Variants in CENPP observed in about 807,000 individuals in gnomAD.
The protein encoded by CENPP is centromere protein P.
CENPP carries 24 observed loss-of-function variants against 35.6 expected under a neutral mutation model. The ratio of observed to expected loss-of-function variants is 0.67; its 90% CI spans 0.49 to 0.95. CENPP has a LOEUF of 0.95. Among genes scored for constraint, CENPP ranks in the 40% least tolerant of loss-of-function variants. The pLI is 0.00. For missense variants in CENPP, 332 were observed against 345.3 expected, an observed-to-expected ratio of 0.96 and a Z score of 0.31; for synonymous variants, 120 against 125.5, an observed-to-expected ratio of 0.96 and a Z score of 0.29.
At chr9:92,473,216 T>C (rs1845591056) in intron 5 of CENPP, among the ~76,000 whole-genome samples, 1 of 152,158 alleles carries the variant, frequency 6.6e-6, no homozygotes, top group South Asian at 2.1e-4. Context: ...TTTTATGCAA[T>C]GTCTCATGCA....
intron 5 of CENPP, chr9:92,424,390 A>T (rs927822883): frequency 6.6e-6 from 1 of 152,186 alleles, no homozygotes; most frequent in African/African-American, 2.4e-5. Flanking sequence ...CTCGGGTTGA[A>T]TTAAAATTAT....
intron 5 of CENPP, among the ~76,000 whole-genome samples, chr9:92,386,880 C>T (rs1842444818): frequency 6.6e-6 from 1 of 151,356 alleles, no homozygotes; most frequent in Non-Finnish European, 1.5e-5. Context: ...CCATGCCCGG[C>T]CTAAAAAAAT....
chr9:92,376,141 A>G (rs1842120353), intron 4 of CENPP, among the ~76,000 whole-genome samples: 1 of 152,180 alleles, frequency 6.6e-6, no homozygotes, highest in Non-Finnish European at 1.5e-5. Flanking sequence ...CTAAGCATGC[A>G]TTCTGCCCTG....
intron 5 of CENPP, among the ~76,000 whole-genome samples, chr9:92,450,210 G>T (rs1844667228): frequency 6.6e-6 from 1 of 150,996 alleles, no homozygotes; most frequent in African/African-American, 2.4e-5. Flanking sequence ...TCGTCATTTA[G>T]CATTAGGTAT....
At chr9:92,475,365 A>G (rs1472286483) in intron 5 of CENPP, among the ~76,000 whole-genome samples, 1 of 152,230 alleles carries the variant, frequency 6.6e-6, no homozygotes, top group Admixed American at 6.5e-5. Flanking sequence ...TAAAAAATCC[A>G]TAAACTGTAT....
intron 5 of CENPP, among the ~76,000 whole-genome samples, chr9:92,533,320 AAAAAAAAAATATAT>A (rs1175974378): frequency 5.4e-5 from 5 of 92,472 alleles, no homozygotes; most frequent in Non-Finnish European, 1.1e-4. Flanking sequence ...AAAAAAAAAA[AAAAAAAAAATATAT>A]ATATATATAT....
Position 92,618,324 on chromosome 9 carries a change from T to C in CENPP, c.*5175T>C. On this transcript the variant is annotated 3_prime_UTR_variant, in exon 8 of 8. Coordinates refer to ENST00000375587, the MANE Select transcript of CENPP (RefSeq NM_001012267.3). ...TCCCCTCCCCTCCTAGTGTCGTTTC[T>C]GCTGAGCAGCTGGTCGTAAGGACCC... 4.4e-6 allele frequency: 2 copies of C among 456,750 alleles called. No homozygotes were observed. The highest frequency in any genetic ancestry group is 8.8e-6 in the Non-Finnish European group (2 of 226,960). 28.3% of individuals were successfully genotyped at this position (456,750 alleles called of 1,614,324 possible).
At chr9:92,561,246 A>C (rs1025158784) in intron 5 of CENPP, among the ~76,000 whole-genome samples, 9 of 152,174 alleles carry the variant, frequency 5.9e-5, no homozygotes, top group African/African-American at 2.2e-4. Context: ...CTGCCTCAGC[A>C]CATCTATAAG....
chr9:92,536,855 G>C (rs7872610), intron 5 of CENPP, among the ~76,000 whole-genome samples: 56,816 of 150,354 alleles, frequency 0.38, 13,461 homozygotes, highest in African/African-American at 0.67. Context: ...GGTAATTTTA[G>C]AACTATTTTT....
intron 5 of CENPP, among the ~76,000 whole-genome samples, chr9:92,477,477 A>G (rs1041277819): frequency 6.6e-5 from 10 of 152,142 alleles, no homozygotes; most frequent in South Asian, 4.1e-4. Context: ...ATTCTGTAAC[A>G]TTCTTGCATT....
intron 5 of CENPP, chr9:92,600,541 G>C: frequency 6.2e-7 from 1 of 1,612,658 alleles, no homozygotes; most frequent in Non-Finnish European, 8.5e-7. Flanking sequence ...CCCCACTGGG[G>C]CTGGGGCACA....
intron 5 of CENPP, among the ~76,000 whole-genome samples, chr9:92,406,463 G>T (rs1252795448): frequency 1.3e-5 from 2 of 152,156 alleles, no homozygotes; most frequent in Non-Finnish European, 2.9e-5. Flanking sequence ...CATTGCTGAA[G>T]AATACCACTG....
intron 5 of CENPP, among the ~76,000 whole-genome samples, chr9:92,463,669 C>T (rs1392611847): frequency 6.6e-6 from 1 of 152,136 alleles, no homozygotes; most frequent in Non-Finnish European, 1.5e-5. Flanking sequence ...TGTTATCTTC[C>T]AGCAGATGAA....
At chr9:92,393,421 AAT>A (rs1188060224) in intron 5 of CENPP, among the ~76,000 whole-genome samples, 1 of 152,178 alleles carries the variant, frequency 6.6e-6, no homozygotes, top group Non-Finnish European at 1.5e-5. Flanking sequence ...AATTCACCAG[AAT>A]ATTGTTTGAG....
chr9:92,408,027 G>A (rs1188406282), intron 5 of CENPP, among the ~76,000 whole-genome samples: 1 of 152,184 alleles, frequency 6.6e-6, no homozygotes, highest in African/African-American at 2.4e-5. Flanking sequence ...TATTTTTGGG[G>A]AGTGGCTTAA....
At chr9:92,588,523 G>T (rs920063281) in intron 5 of CENPP, among the ~76,000 whole-genome samples, 1 of 151,912 alleles carries the variant, frequency 6.6e-6, no homozygotes, top group Non-Finnish European at 1.5e-5. Flanking sequence ...AAAGTGCTGG[G>T]ATTACAGGCG....
chr9:92,368,337 A>G (rs1484475229), intron 4 of CENPP, among the ~76,000 whole-genome samples: 1 of 152,198 alleles, frequency 6.6e-6, no homozygotes, highest in Non-Finnish European at 1.5e-5. Context: ...AAATATTCCA[A>G]AATCTGAAAA....
intron 5 of CENPP, among the ~76,000 whole-genome samples, chr9:92,471,198 TC>T (rs1234292328): frequency 4.0e-5 from 6 of 151,318 alleles, no homozygotes; most frequent in South Asian, 4.2e-4. Flanking sequence ...AATTTTTCTT[TC>T]TTTTTTTTTT....
chr9:92,450,672 C>A (rs1844682394), intron 5 of CENPP, among the ~76,000 whole-genome samples: 2 of 152,166 alleles, frequency 1.3e-5, no homozygotes, highest in South Asian at 4.1e-4. Flanking sequence ...AATCGCCACA[C>A]TGACTTCCAC....
Sources: gnomAD v4.1 joint callset for allele counts (sites outside exome capture counted in the v4.1 genomes callset) on GRCh38, gnomAD v4.1.1 for gene constraint, MANE v1.5 for transcripts, NCBI Gene and HGNC (gene_info 2026-07-23, HGNC 2026-07-21) for gene names.